NAALADL2: variants seen among roughly 807,000 people sequenced by gnomAD.
The protein encoded by NAALADL2 is N-acetylated alpha-linked acidic dipeptidase like 2.
NAALADL2 carries 76 observed loss-of-function variants against 87.2 expected under a neutral mutation model. The ratio of observed to expected loss-of-function variants is 0.87; its 90% CI spans 0.72 to 1.05. The LOEUF (loss-of-function observed/expected upper bound fraction) is 1.05. Ranked by LOEUF, NAALADL2 falls within the 50% of genes least tolerant of loss-of-function variation. The probability of loss-of-function intolerance (pLI) is 0.00; values close to 1 mark genes in which losing one functional copy is unlikely to be tolerated. For synonymous variants in NAALADL2, 354 were observed against 331.0 expected (o/e 1.07, Z -0.75); for missense variants, 1,089 against 945.8 (o/e 1.15, Z -1.99).
intron 2 of NAALADL2, among the ~76,000 whole-genome samples, chr3:175,210,502 A>G (rs958023078): frequency 6.6e-6 from 1 of 151,756 alleles, no homozygotes; most frequent in African/African-American, 2.4e-5. Context: ...ATATTGAAGA[A>G]TACATAATAT....
intron 11 of NAALADL2, among the ~76,000 whole-genome samples, chr3:175,679,966 A>C (rs1253660313): frequency 6.6e-6 from 1 of 152,180 alleles, no homozygotes; most frequent in Non-Finnish European, 1.5e-5. Context: ...GGATGCCGTC[A>C]CATATTTTCA....
chr3:175,718,434 G>T (rs1444617262), intron 11 of NAALADL2: 3 of 1,583,452 alleles, frequency 1.9e-6, no homozygotes, highest in Admixed American at 1.7e-5. Context: ...AAAAAGGGGG[G>T]TGCTTCTGGG....
rs199825575 is a variant in NAALADL2, at chr3:175,665,432, G to A, written c.1896+38046G>A. Among the ~76,000 whole-genome samples, 17 of 152,228 alleles carry A rather than the reference G, an allele frequency of 1.1e-4. No homozygotes were observed. In the East Asian group the frequency reaches 3.3e-3, roughly 29 times the overall value. On this transcript the variant is annotated intron_variant, in intron 11 of 13. Transcript: ENST00000454872. ...AGCAATACTTTAAATGTTTTTACTT[G>A]AGAGAACCACAGACTAAGTGTTTTA...
At chr3:175,456,546 CG>C (rs1179843523) in intron 6 of NAALADL2, among the ~76,000 whole-genome samples, 1 of 151,888 alleles carries the variant, frequency 6.6e-6, no homozygotes, top group Non-Finnish European at 1.5e-5. Flanking sequence ...CAACTTTCAA[CG>C]GTGAATTTTT....
intron 2 of NAALADL2, among the ~76,000 whole-genome samples, chr3:174,579,266 A>G (rs890452316): frequency 5.3e-5 from 8 of 152,054 alleles, no homozygotes; most frequent in Admixed American, 1.3e-4. Flanking sequence ...GTGAATCTTC[A>G]TAGCAGCTTT....
chr3:175,369,833 T>C (rs1314105997), intron 5 of NAALADL2, among the ~76,000 whole-genome samples: 1 of 152,208 alleles, frequency 6.6e-6, no homozygotes, highest in African/African-American at 2.4e-5. Context: ...TCTGATTGTG[T>C]GCTAAAATTT....
chr3:175,040,689 T>C (rs1037004709), intron 1 of NAALADL2, among the ~76,000 whole-genome samples: 1 of 152,210 alleles, frequency 6.6e-6, no homozygotes. Context: ...AATATGAAAG[T>C]GTTTTGTAAA....
chr3:174,874,859 T>G (rs1182699711), intron 1 of NAALADL2, among the ~76,000 whole-genome samples: 1 of 152,072 alleles, frequency 6.6e-6, no homozygotes, highest in African/African-American at 2.4e-5. Context: ...CTCACACCGC[T>G]AATCCTAGCA....
At chr3:174,739,879 C>T (rs1733602639) in intron 3 of NAALADL2, among the ~76,000 whole-genome samples, 1 of 152,128 alleles carries the variant, frequency 6.6e-6, no homozygotes. Flanking sequence ...AATAAACATT[C>T]ATTCTGTCTT....
intron 9 of NAALADL2, among the ~76,000 whole-genome samples, chr3:175,534,652 G>GCTTTT (rs1248447591): frequency 6.9e-6 from 1 of 144,048 alleles, no homozygotes; most frequent in Non-Finnish European, 1.5e-5. Context: ...TATATTGTCA[G>GCTTTT]CTTTTTTTTT....
chr3:175,066,191 T>A (rs1714510218), intron 1 of NAALADL2, among the ~76,000 whole-genome samples: 1 of 152,078 alleles, frequency 6.6e-6, no homozygotes. Context: ...CAGATCCACA[T>A]TTCAGGGAAA....
chr3:175,049,596 A>G (rs1466319464), intron 1 of NAALADL2, among the ~76,000 whole-genome samples: 1 of 152,102 alleles, frequency 6.6e-6, no homozygotes, highest in African/African-American at 2.4e-5. Context: ...GAGCTGTTAA[A>G]CCTCTAAGGG....
intron 11 of NAALADL2, among the ~76,000 whole-genome samples, chr3:175,645,164 A>G (rs1334536697): frequency 2.0e-5 from 3 of 151,912 alleles, no homozygotes; most frequent in African/African-American, 7.3e-5. Context: ...ATTTTTACTC[A>G]GCACCTGTAT....
In NAALADL2 at chr3:174,664,978, TC is replaced by T. The variant is rs770075328; in HGVS notation, c.-114-72662del. 1.1e-4 allele frequency among the ~76,000 whole-genome samples: 17 copies of T among 152,348 alleles called. No homozygotes were observed. The South Asian group carries it at 3.5e-3, about 32-fold the overall frequency. On this transcript the variant is annotated intron_variant, in intron 2 of 3. Transcript: ENST00000434257. ...AGCAACTTGTGCCAGAGTGGAACTT[TC>T]AGTTGCTTAGCCACAGGCTAGCTTG...
chr3:174,833,018 G>C (rs67695221), intron 3 of NAALADL2, among the ~76,000 whole-genome samples: 1 of 151,818 alleles, frequency 6.6e-6, no homozygotes, highest in African/African-American at 2.4e-5. Flanking sequence ...TATTACTTCT[G>C]TATCTACCCA....
intron 2 of NAALADL2, among the ~76,000 whole-genome samples, chr3:175,174,434 A>C (rs1735371868): frequency 6.6e-6 from 1 of 152,154 alleles, no homozygotes; most frequent in Admixed American, 6.6e-5. Flanking sequence ...TATTTGTGCA[A>C]TTATCTGAAT....
At chr3:175,442,540 C>A (rs961698828) in intron 5 of NAALADL2, among the ~76,000 whole-genome samples, 1 of 152,016 alleles carries the variant, frequency 6.6e-6, no homozygotes, top group Non-Finnish European at 1.5e-5. Flanking sequence ...TTTGGTGTCA[C>A]CTTGGTAGAG....
At chr3:174,943,515 A>G (rs935969626) in intron 1 of NAALADL2, among the ~76,000 whole-genome samples, 1 of 152,128 alleles carries the variant, frequency 6.6e-6, no homozygotes, top group Non-Finnish European at 1.5e-5. Context: ...TGGGATGTCC[A>G]CTGCAGCTCT....
chr3:174,821,503 T>C (rs1721414979), intron 3 of NAALADL2, among the ~76,000 whole-genome samples: 1 of 152,208 alleles, frequency 6.6e-6, no homozygotes, highest in East Asian at 1.9e-4. Context: ...TAAAATGTGA[T>C]GTTTCTCATT....
Sources: gnomAD v4.1 joint callset for allele counts (sites outside exome capture counted in the v4.1 genomes callset) on GRCh38, gnomAD v4.1.1 for gene constraint, MANE v1.5 for transcripts, NCBI Gene and HGNC (gene_info 2026-07-23, HGNC 2026-07-21) for gene names.